The following CTNNA2 variants were observed in gnomAD, a reference collection of about 807,000 sequenced individuals.
CTNNA2 encodes the protein catenin alpha-2.
CTNNA2 carries 42 observed loss-of-function variants against 101.0 expected under a neutral mutation model. The observed-to-expected ratio is 0.42, with a 90% CI of 0.32 to 0.54. The LOEUF is 0.54. Among genes scored for constraint, CTNNA2 ranks in the 20% least tolerant of loss-of-function variants. The pLI, the probability that CTNNA2 is intolerant of heterozygous loss-of-function variation, is 0.14. For missense variants in CTNNA2, 871 were observed against 1,223.1 expected (o/e 0.71, Z 4.29); for synonymous variants, 450 against 456.4 (o/e 0.99, Z 0.18).
In CTNNA2 at chr2:80,439,404, G is replaced by GTTTT. The variant is rs1454341515; in HGVS notation, c.1290+19805_1290+19808dup. On this transcript the variant is annotated intron_variant, in intron 9 of 18. Transcript: ENST00000402739. ...TTATAAGGTTTTTTTGTTTTGTTTTGTTTTTGAGACAGAGTCTCACTCTGT... is the reference window on the plus strand; with the variant it reads ...TTATAAGGTTTTTTTGTTTTGTTTTGTTTTTTTTTGAGACAGAGTCTCACTCTGT... 2.0e-5 allele frequency among the ~76,000 whole-genome samples: 3 copies of GTTTT among 151,954 alleles called. No individual in the cohort carries two copies. The East Asian group carries it at 5.8e-4, about 29-fold the overall frequency.
At chr2:80,294,581 C>T (rs892589724) in intron 7 of CTNNA2, among the ~76,000 whole-genome samples, 5 of 151,980 alleles carry the variant, frequency 3.3e-5, no homozygotes, top group South Asian at 2.1e-4. Flanking sequence ...GTAGGCAACC[C>T]GCTAGCTCAG....
intron 3 of CTNNA2, among the ~76,000 whole-genome samples, chr2:79,745,152 C>T (rs558231075): frequency 3.9e-5 from 6 of 152,192 alleles, no homozygotes; most frequent in Admixed American, 2.6e-4. Context: ...TAACTACGGC[C>T]GGGTGCGGTG....
intron 7 of CTNNA2, among the ~76,000 whole-genome samples, chr2:80,047,353 A>G (rs1380164710): frequency 1.3e-5 from 2 of 152,218 alleles, no homozygotes; most frequent in Non-Finnish European, 2.9e-5. Flanking sequence ...GGGACAGAGC[A>G]GAATAGAATA....
intron 3 of CTNNA2, among the ~76,000 whole-genome samples, chr2:79,801,495 A>T (rs1284325910): frequency 6.6e-6 from 1 of 152,184 alleles, no homozygotes; most frequent in Non-Finnish European, 1.5e-5. Flanking sequence ...GGGCTAATAG[A>T]TAAGAGCTGT....
chr2:80,206,919 T>C (rs376442379), intron 7 of CTNNA2, among the ~76,000 whole-genome samples: 1 of 152,324 alleles, frequency 6.6e-6, no homozygotes, highest in South Asian at 2.1e-4. Flanking sequence ...TCCTTAAGCA[T>C]GTTCCCAGTG....
chr2:79,853,174 T>A (rs1680862962), intron 3 of CTNNA2, among the ~76,000 whole-genome samples: 1 of 148,330 alleles, frequency 6.7e-6, no homozygotes, highest in East Asian at 2.0e-4. Flanking sequence ...TGTTTTGTTT[T>A]TTTGAGACAG....
chr2:80,246,144 G>T (rs1358351979), intron 7 of CTNNA2, among the ~76,000 whole-genome samples: 1 of 152,040 alleles, frequency 6.6e-6, no homozygotes, highest in Non-Finnish European at 1.5e-5. Context: ...AGTAGATTGG[G>T]CACTCCTTCA....
At position 80,613,929 on chromosome 2, in the gene CTNNA2, G is replaced by GT. The variant is rs557504109; in HGVS notation, c.2431-5154dup. On this transcript the variant is annotated intron_variant, in intron 17 of 18. Coordinates refer to ENST00000402739, the MANE Select transcript of CTNNA2 (RefSeq NM_001282597.3). ...GGCATTACTGCTTGTAACAGCAGGA[G>GT]TTAGTAGCTTTAAGAAGAGTGTCCC... is the stretch of plus-strand genomic sequence containing the variant. Among the ~76,000 whole-genome samples the GT allele has an allele frequency of 3.2e-3, 484 of 151,582 alleles. 5 individuals carry two copies. The highest frequency in any genetic ancestry group is 0.011 in the African/African-American group (464 of 41,468).
chr2:80,246,652 A>G (rs1284461551), intron 7 of CTNNA2, among the ~76,000 whole-genome samples: 1 of 152,346 alleles, frequency 6.6e-6, no homozygotes, highest in Non-Finnish European at 1.5e-5. Flanking sequence ...AGGACATGTC[A>G]TAAATTTGAT....
At chr2:79,249,334 G>T (rs1413777160) in intron 2 of CTNNA2, among the ~76,000 whole-genome samples, 1 of 152,094 alleles carries the variant, frequency 6.6e-6, no homozygotes, top group African/African-American at 2.4e-5. Context: ...CTATCTAATA[G>T]CACTTAAAAG....
intron 7 of CTNNA2, among the ~76,000 whole-genome samples, chr2:80,355,933 C>CTTTTTTTT (rs564774712): frequency 0.01 from 1,586 of 151,766 alleles, 14 homozygotes; most frequent in South Asian, 0.055. Context: ...TCACATTGTT[C>CTTTTTTTT]TTTTTTTTCT....
rs552867739 is a variant in CTNNA2, at chr2:79,384,277, C to T, written c.-135+10264C>T. ...TTAAAGTAACTACTGAATCTTCTAG[C>T]GCTTTCACATTGGTAGTCAGGAAAA... is the stretch of plus-strand genomic sequence containing the variant. On this transcript the variant is annotated intron_variant, in intron 4 of 21. Transcript: ENST00000466387. Among the ~76,000 whole-genome samples the T allele has an allele frequency of 3.9e-5, 6 of 152,214 alleles. No individual in the cohort carries two copies. In the East Asian group the frequency reaches 5.8e-4, roughly 15 times the overall value.
At chr2:79,682,140 G>A (rs1172160623) in intron 2 of CTNNA2, among the ~76,000 whole-genome samples, 1 of 152,054 alleles carries the variant, frequency 6.6e-6, no homozygotes, top group Non-Finnish European at 1.5e-5. Flanking sequence ...CAGGCGCGGT[G>A]GCTCACGCCT....
chr2:80,138,106 G>A (rs184773843), intron 7 of CTNNA2, among the ~76,000 whole-genome samples: 1 of 152,204 alleles, frequency 6.6e-6, no homozygotes, highest in East Asian at 1.9e-4. Context: ...CAATCCTTTG[G>A]ACTCTATTAA....
At chr2:79,213,451 C>T (rs1199737296) in intron 2 of CTNNA2, among the ~76,000 whole-genome samples, 4 of 152,088 alleles carry the variant, frequency 2.6e-5, no homozygotes, top group Non-Finnish European at 4.4e-5. Flanking sequence ...AGAGTGAGGG[C>T]TTGAGTTAAG....
chr2:80,345,488 C>T (rs916065900), intron 7 of CTNNA2, among the ~76,000 whole-genome samples: 2 of 152,030 alleles, frequency 1.3e-5, no homozygotes, highest in African/African-American at 2.4e-5. Context: ...TTTATTTTCT[C>T]GGTATCATTT....
At chr2:79,206,037 A>G (rs1674095896) in intron 2 of CTNNA2, among the ~76,000 whole-genome samples, 2 of 152,160 alleles carry the variant, frequency 1.3e-5, no homozygotes, top group African/African-American at 4.8e-5. Flanking sequence ...CCTTTTTAAA[A>G]CAGTCATTAA....
chr2:80,034,433 AACTTCC>A (rs1695522267), intron 7 of CTNNA2, among the ~76,000 whole-genome samples: 1 of 145,670 alleles, frequency 6.9e-6, no homozygotes, highest in Non-Finnish European at 1.5e-5. Context: ...GACTCACTGC[AACTTCC>A]ACCTCCCAGG....
intron 1 of CTNNA2, among the ~76,000 whole-genome samples, chr2:79,569,632 C>T (rs974556094): frequency 1.3e-5 from 2 of 152,050 alleles, no homozygotes; most frequent in African/African-American, 2.4e-5. Flanking sequence ...TTGATACCAG[C>T]GCCAAAAATG....
Sources: gnomAD v4.1 joint callset for allele counts (sites outside exome capture counted in the v4.1 genomes callset) on GRCh38, gnomAD v4.1.1 for gene constraint, MANE v1.5 for transcripts, NCBI Gene and HGNC (gene_info 2026-07-23, HGNC 2026-07-21) for gene names.